The following ASPA variants were observed in gnomAD, a reference collection of about 807,000 sequenced individuals.
ASPA encodes the protein aspartoacylase, also known as ACY-2.
In ASPA, 25 loss-of-function variants were observed where a neutral mutation model predicts 29.6. The ratio of observed to expected loss-of-function variants is 0.85; its 90% CI spans 0.62 to 1.18. The LOEUF is 1.18. ASPA is among the 50% of genes most tolerant of loss of function. The pLI, the probability that ASPA is intolerant of heterozygous loss-of-function variation, is 0.00. For missense variants in ASPA, 333 were observed against 385.7 expected (o/e 0.86, Z 1.14); for synonymous variants, 131 against 130.3 (o/e 1.01, Z -0.04).
chr17:3,493,205 G>A (rs1281321653), intron 4 of ASPA, among the ~76,000 whole-genome samples: 2 of 152,140 alleles, frequency 1.3e-5, no homozygotes, highest in African/African-American at 4.8e-5. Flanking sequence ...CTCCACCACT[G>A]GCAGGCTGCC....
chr17:3,481,234 C>T (rs2073622383), intron 1 of ASPA, among the ~76,000 whole-genome samples: 1 of 152,140 alleles, frequency 6.6e-6, no homozygotes, highest in African/African-American at 2.4e-5. Flanking sequence ...ATTTGATGGT[C>T]TAGTCCCATA....
upstream of ASPA, among the ~76,000 whole-genome samples, chr17:3,474,549 T>C (rs2073493807): frequency 6.6e-6 from 1 of 152,218 alleles, no homozygotes; most frequent in Non-Finnish European, 1.5e-5. Flanking sequence ...TCAGTGTACA[T>C]GGATGTGGAC....
intron 5 of ASPA, among the ~76,000 whole-genome samples, chr17:3,494,794 C>T (rs2073882702): frequency 1.3e-5 from 2 of 152,112 alleles, no homozygotes; most frequent in South Asian, 4.1e-4. Flanking sequence ...GACAAGGCCA[C>T]TTAGAGAAAG....
chr17:3,494,334 A>G lies in ASPA; in HGVS notation c.635-16A>G. 1 of 1,572,190 alleles carries G rather than the reference A, an allele frequency of 6.4e-7. No individual in the cohort carries two copies. Among genetic ancestry groups the G allele is most frequent in the East Asian group, 2.2e-5 (1 of 44,678 alleles). The stretch of plus-strand genomic sequence containing the variant: ...ATGTTTTTAGTTGCCATTGATACAT[A>G]TTGTTTTTGTCATAGGAAAAGAATT... On this transcript the variant is annotated splice_polypyrimidine_tract_variant and intron_variant, in intron 4 of 5. Transcript: ENST00000263080.
At position 3,490,747 on chromosome 17, in the gene ASPA, T is replaced by C. The variant is rs374929558; in HGVS notation, c.634+1405T>C. ...GGGACTACAATATATTAAGAAGTGA[T>C]ACATTCAGATAGAAGGCCACAAATC... On this transcript the variant is annotated intron_variant, in intron 4 of 5. Transcript: ENST00000263080. The surrounding 1 kb of genome is among the most constrained non-coding windows in gnomAD (Gnocchi z 4.6). Among the ~76,000 whole-genome samples the C allele has an allele frequency of 1.3e-5, 2 of 152,190 alleles. No individual in the cohort carries two copies. Among genetic ancestry groups the C allele is most frequent in the Admixed American group, 1.3e-4 (2 of 15,278 alleles).
At chr17:3,478,706 T>C (rs1164676610) in intron 1 of ASPA, among the ~76,000 whole-genome samples, 1 of 152,226 alleles carries the variant, frequency 6.6e-6, no homozygotes, top group Non-Finnish European at 1.5e-5. Context: ...GACTAGACTG[T>C]TCCCAGCGTG....
chr17:3,491,707 C>G (rs576817239), intron 4 of ASPA, among the ~76,000 whole-genome samples: 2 of 151,824 alleles, frequency 1.3e-5, no homozygotes, highest in South Asian at 4.2e-4. Context: ...GAGTTCATGC[C>G]ACTGCACTCC....
chr17:3,495,064 T>C (rs1287101404), intron 5 of ASPA, among the ~76,000 whole-genome samples: 1 of 152,072 alleles, frequency 6.6e-6, no homozygotes, highest in Non-Finnish European at 1.5e-5. Context: ...CCTTGCCTAG[T>C]TTTATCAATA....
Position 3,489,221 on chromosome 17 carries a change from C to T in ASPA, c.527-14C>T, listed in dbSNP as rs756844626. On this transcript the variant is annotated splice_polypyrimidine_tract_variant and intron_variant, in intron 3 of 5. Coordinates refer to ENST00000263080, the MANE Select transcript of ASPA (RefSeq NM_000049.4). The stretch of plus-strand genomic sequence containing the variant: ...TACTTATATAAATGTGACTATCTCT[C>T]CTTCTGTACCTAGGTATAGAAGTTG... 7.5e-6 allele frequency: 11 copies of T among 1,462,946 alleles called. No homozygotes were observed. The highest frequency in any genetic ancestry group is 1.1e-5 in the South Asian group (1 of 87,354). The allele number at this position is 1,462,946 out of a possible 1,614,324, so 90.6% of individuals were successfully genotyped here. A position where few individuals can be genotyped will look rare whatever the true frequency, so the allele number is the denominator to read the frequency against.
Position 3,481,744 on chromosome 17 carries a change from T to C in ASPA, c.378T>C (p.Leu126=). 6.2e-7 allele frequency: 1 copy of C among 1,613,498 alleles called. No homozygotes were observed. Among genetic ancestry groups the C allele is most frequent in the Non-Finnish European group, 8.5e-7 (1 of 1,179,660 alleles). Residue 126 remains leucine, a synonymous_variant, in exon 2 of 6, where the codon CTT becomes CTC. Coordinates refer to ENST00000263080, the MANE Select transcript of ASPA (RefSeq NM_000049.4). ...CCACCTCTAACATGGGGTGCACTCT[T>C]ATTCTTGAGGATTCCAGGAATAACT... The part of the protein sequence containing the change: ...HNTTSNMGCT[L]ILEDSRNNFL...
chr17:3,494,929 T>G (rs1018288617), intron 5 of ASPA, among the ~76,000 whole-genome samples: 1 of 152,144 alleles, frequency 6.6e-6, no homozygotes, highest in African/African-American at 2.4e-5. Flanking sequence ...CCAGAGTTAG[T>G]GCTCTTTCAA....
chr17:3,497,701 G>A (rs933471483), intron 5 of ASPA, among the ~76,000 whole-genome samples: 11 of 152,194 alleles, frequency 7.2e-5, no homozygotes, highest in African/African-American at 1.9e-4. Flanking sequence ...CACTAATGTC[G>A]TGCACGTGAA....
At chr17:3,495,228 G>C (rs561575063) in intron 5 of ASPA, among the ~76,000 whole-genome samples, 1 of 152,204 alleles carries the variant, frequency 6.6e-6, no homozygotes, top group African/African-American at 2.4e-5. Context: ...CCAGACCTCA[G>C]AGATGGAAGA....
At chr17:3,486,966 T>C (rs2200728) in intron 3 of ASPA, among the ~76,000 whole-genome samples, 2,210 of 152,214 alleles carry the variant, frequency 0.015, 28 homozygotes, top group Non-Finnish European at 0.024. Context: ...CAAATAACTT[T>C]CCTAAGTCTC....
At position 3,502,364 on chromosome 17, in the gene ASPA, T is replaced by G. The variant is rs930471646; in HGVS notation, c.*3276T>G. On this transcript the variant is annotated 3_prime_UTR_variant, in exon 6 of 6. Coordinates refer to ENST00000263080, the MANE Select transcript of ASPA (RefSeq NM_000049.4). ...TCATCTGTTATAATGTTTGTTTTAT[T>G]GTGGTGATCTGGAGCCAAGGCTGAA... is the stretch of plus-strand genomic sequence containing the variant. 27 of 152,260 alleles carry G rather than the reference T, an allele frequency of 1.8e-4. No homozygotes were observed. The highest frequency in any genetic ancestry group is 6.5e-4 in the African/African-American group (27 of 41,468). 9.4% of individuals were successfully genotyped at this position (152,260 alleles called of 1,614,324 possible).
At chr17:3,489,155 T>A in intron 3 of ASPA, 80 bp from the exon 4 acceptor site, 1 of 872,286 alleles carries the variant, frequency 1.1e-6, no homozygotes, top group East Asian at 2.7e-5. Context: ...TAATTCTAAA[T>A]CTTGATACAT....
chr17:3,489,281 C>G lies in ASPA; in HGVS notation c.573C>G (p.Ile191Met). The G allele has an allele frequency of 2.5e-6, 4 of 1,613,166 alleles. No homozygotes were observed. Among genetic ancestry groups the G allele is most frequent in the Non-Finnish European group, 2.5e-6 (3 of 1,179,746 alleles). The change falls in exon 4 of 6, where the codon ATC becomes ATG. Residue 191 changes from isoleucine to methionine, a missense_variant. By Grantham distance (10) the Ile-to-Met change is conservative. Coordinates refer to ENST00000263080, the MANE Select transcript of ASPA (RefSeq NM_000049.4). ...CTCAAGGGGTTCTGAGAGCTGATAT[C>G]TTGGATCAAATGAGAAAAATGATTA... ...PQPQGVLRAD[I>M]LDQMRKMIKH... is the part of the protein sequence containing the mutation.
upstream of ASPA, chr17:3,475,684 G>A (rs948508441): frequency 1.8e-4 from 32 of 177,274 alleles, 1 homozygote; most frequent in South Asian, 3.8e-3. Context: ...TTTCAGAGAA[G>A]AAATGTTTTG....
In ASPA at chr17:3,489,315, C is replaced by T. The variant is rs763251910; in HGVS notation, c.607C>T (p.Leu203Phe). Residue 203 changes from leucine (L) to phenylalanine (F), a missense_variant, in exon 4 of 6, where the codon CTT becomes TTT. Leu to Phe is a conservative substitution (Grantham distance 22, BLOSUM62 0). Transcript: ENST00000263080. ...AATGAGAAAAATGATTAAACATGCT[C>T]TTGATTTTATACATCATTTCAATGA... ...DQMRKMIKHALDFIHHFNEGK... is the reference protein window; with the variant it reads ...DQMRKMIKHAFDFIHHFNEGK... The T allele has an allele frequency of 1.2e-6, 2 of 1,612,420 alleles. No individual in the cohort carries two copies. Among genetic ancestry groups the T allele is most frequent in the Non-Finnish European group, 1.7e-6 (2 of 1,178,852 alleles).
Sources: allele counts gnomAD v4.1 joint callset (sites outside exome capture counted in the v4.1 genomes callset), GRCh38; gene constraint gnomAD v4.1.1; non-coding constraint Gnocchi (gnomAD v3.1); transcripts MANE v1.5; gene names NCBI Gene and HGNC (gene_info 2026-07-23, HGNC 2026-07-21).